The following MAPKAPK5 variants were observed in gnomAD, a reference collection of about 807,000 sequenced individuals.
MAPKAPK5 encodes the protein MAPK activated protein kinase 5.
Under a neutral mutation model 65.1 loss-of-function variants are expected in MAPKAPK5, and 30 were observed. The observed-to-expected ratio is 0.46, with a 90% CI of 0.34 to 0.63. The LOEUF is 0.63. MAPKAPK5 is among the 20% of genes least tolerant of loss of function. The pLI is 0.01. For synonymous variants in MAPKAPK5, 179 were observed against 204.6 expected (o/e 0.87, Z 1.07); for missense variants, 433 against 581.4 (o/e 0.74, Z 2.63).
chr12:111,858,948 A>G (rs545495579), intron 1 of MAPKAPK5, among the ~76,000 whole-genome samples: 1 of 145,700 alleles, frequency 6.9e-6, no homozygotes, highest in South Asian at 2.3e-4. Context: ...GAAAATCTCT[A>G]TTTATCATTA....
chr12:111,843,647 T>C (rs920772769), intron 1 of MAPKAPK5, among the ~76,000 whole-genome samples: 4 of 152,218 alleles, frequency 2.6e-5, no homozygotes, highest in Non-Finnish European at 5.9e-5. Flanking sequence ...TGGGGTTATT[T>C]TCCCCTTCAA....
rs1229755171 is a variant in MAPKAPK5 at position 111,888,703 on chromosome 12, C to T, written c.1100+85C>T. The T allele has an allele frequency of 1.1e-5, 17 of 1,569,632 alleles. No individual in the cohort carries two copies. In the South Asian group the frequency reaches 1.7e-4, roughly 16 times the overall value. On this transcript the variant is annotated intron_variant, in intron 11 of 13. Coordinates refer to ENST00000550735, the MANE Select transcript of MAPKAPK5 (RefSeq NM_003668.4). ...TGAAATTTAAGAAATTTAACTTGCT[C>T]AGCTAGGGGTCTTTAGCCTCTGAAG...
intron 7 of MAPKAPK5, among the ~76,000 whole-genome samples, chr12:111,874,436 A>G (rs2136121455): frequency 6.6e-6 from 1 of 150,522 alleles, no homozygotes; most frequent in South Asian, 2.1e-4. Context: ...ACTAGTTTAT[A>G]GAAATACTAG....
chr12:111,848,706 C>T (rs1247746211), intron 1 of MAPKAPK5, among the ~76,000 whole-genome samples: 1 of 151,780 alleles, frequency 6.6e-6, no homozygotes, highest in Non-Finnish European at 1.5e-5. Flanking sequence ...CCACTGTGCT[C>T]GGCCTCTTTT....
rs1487394569 is a variant in MAPKAPK5, at chr12:111,898,177, T to C, written c.*5116T>C. The C allele has an allele frequency of 6.7e-6, 1 of 148,664 alleles. No individual in the cohort carries two copies. Among genetic ancestry groups the C allele is most frequent in the Non-Finnish European group, 1.5e-5 (1 of 66,926 alleles). 9.2% of individuals were successfully genotyped at this position (148,664 alleles called of 1,614,324 possible). On this transcript the variant is annotated 3_prime_UTR_variant, in exon 14 of 14. Coordinates refer to ENST00000550735, the MANE Select transcript of MAPKAPK5 (RefSeq NM_003668.4). ...GTCAGCTTTTATTTTGACCCCACAG[T>C]TTTTTTTTTGAGACGGATTCTCACT...
intron 13 of MAPKAPK5, among the ~76,000 whole-genome samples, chr12:111,892,645 T>C (rs2070653987): frequency 6.6e-6 from 1 of 152,226 alleles, no homozygotes; most frequent in Non-Finnish European, 1.5e-5. Context: ...GAGTTGTGTT[T>C]TTCTTATAGA....
chr12:111,892,831 A>G, intron 13 of MAPKAPK5, 136 bp from the exon 14 acceptor site: 1 of 502,752 alleles, frequency 2.0e-6, no homozygotes. Context: ...ACTGCTTTTG[A>G]TCAGTGGTGG....
intron 12 of MAPKAPK5, chr12:111,889,698 T>A (rs944996903): frequency 2.9e-5 from 7 of 238,154 alleles, no homozygotes; most frequent in Admixed American, 2.8e-4. Flanking sequence ...GAAATGAGCT[T>A]AGGGGAGAGA....
chr12:111,900,150 T>C lies in MAPKAPK5; in HGVS notation c.*7089T>C, dbSNP rs911707127. The C allele has an allele frequency of 2.2e-6, 1 of 455,898 alleles. No homozygotes were observed. The highest frequency in any genetic ancestry group is 2.0e-5 in the African/African-American group (1 of 50,070). 28.2% of individuals were successfully genotyped at this position (455,898 alleles called of 1,614,324 possible). A position where few individuals can be genotyped will look rare whatever the true frequency, so the allele number is the denominator to read the frequency against. The stretch of plus-strand genomic sequence containing the variant: ...GGACCTAATAGATGTCACAGTGGAC[T>C]TGCAAATCACACTCAGGAATTTCAA... On this transcript the variant is annotated 3_prime_UTR_variant, in exon 14 of 14. Transcript: ENST00000550735.
chr12:111,893,755 G>C lies in MAPKAPK5; in HGVS notation c.*694G>C, dbSNP rs1259731301. 1 of 140,600 alleles carries C rather than the reference G, an allele frequency of 7.1e-6. No homozygotes were observed. Among genetic ancestry groups the C allele is most frequent in the African/African-American group, 2.6e-5 (1 of 37,974 alleles). 8.7% of individuals were successfully genotyped at this position (140,600 alleles called of 1,614,324 possible). A position where few individuals can be genotyped will look rare whatever the true frequency, so the allele number is the denominator to read the frequency against. On this transcript the variant is annotated 3_prime_UTR_variant, in exon 14 of 14. Transcript: ENST00000550735. The stretch of plus-strand genomic sequence containing the variant: ...TTTGAGACAGAGTCTTGCTGTTGTA[G>C]TGGAGGCTGGAGTACAGTGGCACTA...
intron 1 of MAPKAPK5, chr12:111,843,435 CTT>C (rs200989666): frequency 3.4e-4 from 113 of 333,078 alleles, no homozygotes; most frequent in Middle Eastern, 8.0e-4. Flanking sequence ...CTGTTTTTAA[CTT>C]TTTTTTTTTT....
intron 1 of MAPKAPK5, among the ~76,000 whole-genome samples, chr12:111,863,863 C>T (rs2069520414): frequency 1.3e-5 from 2 of 152,070 alleles, no homozygotes; most frequent in Admixed American, 6.6e-5. Flanking sequence ...CCTCGGCCTC[C>T]CAAAGTGCTG....
chr12:111,882,813 C>T, intron 8 of MAPKAPK5: 1 of 985,484 alleles, frequency 1.0e-6, no homozygotes. Context: ...CTGTGTCAAA[C>T]TGCTTTGGGC....
At chr12:111,856,011 A>G (rs1038891949) in intron 1 of MAPKAPK5, among the ~76,000 whole-genome samples, 2 of 151,768 alleles carry the variant, frequency 1.3e-5, no homozygotes, top group Non-Finnish European at 2.9e-5. Context: ...ATACACCACC[A>G]TGCCTGGCTA....
intron 1 of MAPKAPK5, among the ~76,000 whole-genome samples, chr12:111,863,286 C>G (rs1482180954): frequency 1.6e-4 from 24 of 152,328 alleles, no homozygotes; most frequent in Non-Finnish European, 3.5e-4. Context: ...ATCCCTTCAT[C>G]ACAAGGCTTT....
In MAPKAPK5 at chr12:111,883,467, A is replaced by G; in HGVS notation, c.661-114A>G. The G allele has an allele frequency of 1.3e-6, 1 of 786,950 alleles. No homozygotes were observed. The highest frequency in any genetic ancestry group is 2.5e-5 in the East Asian group (1 of 39,678). 48.7% of individuals were successfully genotyped at this position (786,950 alleles called of 1,614,324 possible). ...CAGCTTTCCTAGTCTCTGTTAAGTG[A>G]CTCTAGTTTATATCAGCCTATATAT... On this transcript the variant is annotated intron_variant, in intron 8 of 13. Coordinates refer to ENST00000550735, the MANE Select transcript of MAPKAPK5 (RefSeq NM_003668.4). This position sits in a 1 kb window ranked among gnomAD's most constrained non-coding sequence, Gnocchi z 4.8.
At chr12:111,850,769 G>A (rs1196889264) in intron 1 of MAPKAPK5, among the ~76,000 whole-genome samples, 1 of 152,206 alleles carries the variant, frequency 6.6e-6, no homozygotes, top group African/African-American at 2.4e-5. Context: ...TGTAAACACA[G>A]TCAAGTTTAT....
chr12:111,888,799 G>A, intron 11 of MAPKAPK5, 86 bp from the exon 12 acceptor site: 2 of 1,543,508 alleles, frequency 1.3e-6, no homozygotes, highest in South Asian at 2.5e-5. Context: ...TGATACATCT[G>A]TTGCCTTATG....
chr12:111,857,848 C>T (rs757674471), intron 1 of MAPKAPK5, among the ~76,000 whole-genome samples: 12 of 151,752 alleles, frequency 7.9e-5, no homozygotes, highest in East Asian at 3.9e-4. Context: ...TTTTTCCCTT[C>T]GTACTTACAT....
Sources: gnomAD v4.1 joint callset for allele counts (sites outside exome capture counted in the v4.1 genomes callset) on GRCh38, gnomAD v4.1.1 for gene constraint, Gnocchi (gnomAD v3.1) non-coding constraint, MANE v1.5 for transcripts, NCBI Gene and HGNC (gene_info 2026-07-23, HGNC 2026-07-21) for gene names.